Variants in SLC39A8 observed in about 807,000 individuals in gnomAD.
SLC39A8 encodes metal cation symporter ZIP8.
In SLC39A8, 15 loss-of-function variants were observed where a neutral mutation model predicts 40.4. The ratio of observed to expected loss-of-function variants is 0.37; its 90% confidence interval spans 0.25 to 0.57. The LOEUF is 0.57. Among genes scored for constraint, SLC39A8 ranks in the 20% least tolerant of loss-of-function variants. The pLI is 0.75. For synonymous variants in SLC39A8, 223 were observed against 221.6 expected (o/e 1.01, Z -0.06); for missense variants, 472 against 558.8 (o/e 0.84, Z 1.57).
chr4:102,268,211 C>A, intron 6 of SLC39A8, 132 bp from the exon 7 acceptor site: 2 of 839,116 alleles, frequency 2.4e-6, no homozygotes, highest in East Asian at 2.6e-5. Context: ...AACTAGGAAA[C>A]CCTAATAATA....
chr4:102,273,060 A>G (rs1304565163), intron 6 of SLC39A8, among the ~76,000 whole-genome samples: 1 of 152,124 alleles, frequency 6.6e-6, no homozygotes, highest in Admixed American at 6.5e-5. Flanking sequence ...GTTTTTTTCC[A>G]TACCCCAGTG....
intron 11 of SLC39A8, among the ~76,000 whole-genome samples, chr4:102,254,717 T>C (rs145943967): frequency 1.3e-5 from 2 of 152,346 alleles, no homozygotes; most frequent in Admixed American, 6.5e-5. Context: ...CTTGGAGTTA[T>C]CTATGAAGTC....
At chr4:102,343,759 C>T (rs1736036500) in intron 2 of SLC39A8, among the ~76,000 whole-genome samples, 1 of 152,198 alleles carries the variant, frequency 6.6e-6, no homozygotes, top group African/African-American at 2.4e-5. Context: ...CAAGGTATTG[C>T]CAAATGCCTA....
intron 6 of SLC39A8, among the ~76,000 whole-genome samples, chr4:102,284,901 G>C (rs1028966030): frequency 2.0e-5 from 3 of 152,044 alleles, no homozygotes; most frequent in Non-Finnish European, 2.9e-5. Context: ...CCTGGTAATA[G>C]AGGAGGATAC....
chr4:102,319,038 T>C (rs1286091511), intron 2 of SLC39A8, among the ~76,000 whole-genome samples: 1 of 152,200 alleles, frequency 6.6e-6, no homozygotes, highest in Non-Finnish European at 1.5e-5. Flanking sequence ...AAATGGGCCT[T>C]GTATGTGTGA....
At chr4:102,300,347 T>C (rs1733869175) in intron 6 of SLC39A8, among the ~76,000 whole-genome samples, 1 of 152,110 alleles carries the variant, frequency 6.6e-6, no homozygotes, top group African/African-American at 2.4e-5. Flanking sequence ...ACTATGATTT[T>C]TATATGACTA....
chr4:102,269,909 C>G (rs1732269327), intron 6 of SLC39A8: 1 of 152,114 alleles, frequency 6.6e-6, no homozygotes, highest in Admixed American at 6.5e-5. Flanking sequence ...ATAGCTGTAT[C>G]TTAAACGCAC....
At chr4:102,281,154 G>A (rs1036984563) in intron 6 of SLC39A8, among the ~76,000 whole-genome samples, 4 of 152,164 alleles carry the variant, frequency 2.6e-5, no homozygotes, top group South Asian at 2.1e-4. Context: ...GTACCTCCCC[G>A]CCTACACAAC....
At chr4:102,270,078 A>T (rs1206652668) in intron 6 of SLC39A8, among the ~76,000 whole-genome samples, 1 of 152,198 alleles carries the variant, frequency 6.6e-6, no homozygotes, top group East Asian at 1.9e-4. Flanking sequence ...TAATGCCGTG[A>T]TATACTTAAT....
At chr4:102,302,219 C>T (rs1733952661) in intron 6 of SLC39A8, among the ~76,000 whole-genome samples, 1 of 152,012 alleles carries the variant, frequency 6.6e-6, no homozygotes, top group Non-Finnish European at 1.5e-5. Context: ...GAAAATCTTC[C>T]ATCAGAGCAA....
chr4:102,296,896 T>C (rs1733700312), intron 6 of SLC39A8, among the ~76,000 whole-genome samples: 1 of 152,052 alleles, frequency 6.6e-6, no homozygotes, highest in South Asian at 2.1e-4. Flanking sequence ...CAATAGGTAC[T>C]CACTTACGTG....
rs547321981 is a variant in SLC39A8 at position 102,324,224 on chromosome 4, G to A, written c.220-8394C>T. 632 of 346,756 alleles carry A rather than the reference G, an allele frequency of 1.8e-3. 5 individuals carry two copies. Among genetic ancestry groups the A allele is most frequent in the African/African-American group, 0.013 (568 of 45,038 alleles). 21.5% of individuals were successfully genotyped at this position (346,756 alleles called of 1,614,324 possible). On this transcript the variant is annotated intron_variant, in intron 2 of 8. Transcript: ENST00000356736. ...ATCCTGGCCAACATGGTGAAACCCC[G>A]TCTATACTAAAAATATAAAAATTAC...
intron 6 of SLC39A8, among the ~76,000 whole-genome samples, chr4:102,302,438 G>A (rs1733961031): frequency 6.6e-6 from 1 of 151,972 alleles, no homozygotes; most frequent in South Asian, 2.1e-4. Flanking sequence ...GTATAAGGAA[G>A]GGTTTTAACT....
intron 3 of SLC39A8, among the ~76,000 whole-genome samples, chr4:102,313,397 A>G (rs1043440000): frequency 6.6e-6 from 1 of 152,148 alleles, no homozygotes; most frequent in Non-Finnish European, 1.5e-5. Flanking sequence ...AGAATTGGCT[A>G]TCATCATTGT....
Position 102,268,031 on chromosome 4 carries a change from G to A in SLC39A8, c.889C>T (p.Leu297=), listed in dbSNP as rs1732184597. 6.2e-7 allele frequency: 1 copy of A among 1,614,082 alleles called. No homozygotes were observed. The change falls in exon 7 of 9, where the codon CTG becomes TTG. Residue 297 remains leucine, a synonymous_variant. Transcript: ENST00000356736. The part of the protein sequence containing the change: ...SSCTCLKGPK[L]SEIGTIAWMI... ...CAGGCAATCGTCCCTATTTCTGACA[G>A]TTTGGGCCCCTTCAAACAGGTACAT...
intron 2 of SLC39A8, among the ~76,000 whole-genome samples, chr4:102,340,764 G>A (rs987489931): frequency 6.6e-6 from 1 of 152,184 alleles, no homozygotes; most frequent in Non-Finnish European, 1.5e-5. Flanking sequence ...AATATTTCAG[G>A]AATTCAGAAA....
chr4:102,343,552 G>GA (rs1413858166), intron 2 of SLC39A8, among the ~76,000 whole-genome samples: 1 of 152,202 alleles, frequency 6.6e-6, no homozygotes, highest in African/African-American at 2.4e-5. Flanking sequence ...TCAAAGCACT[G>GA]AGTTAACTGA....
intron 2 of SLC39A8, among the ~76,000 whole-genome samples, chr4:102,328,754 G>A (rs1274173726): frequency 1.3e-5 from 2 of 152,094 alleles, no homozygotes; most frequent in Non-Finnish European, 2.9e-5. Flanking sequence ...GGCCGGGCAC[G>A]GTGGCTCACG....
At chr4:102,270,976 G>A (rs1732333060) in intron 6 of SLC39A8, among the ~76,000 whole-genome samples, 3 of 152,032 alleles carry the variant, frequency 2.0e-5, no homozygotes, top group South Asian at 2.1e-4. Flanking sequence ...AGTTGTAGAG[G>A]ATGAGGAGGC....
Sources: gnomAD v4.1 joint callset for allele counts (sites outside exome capture counted in the v4.1 genomes callset) on GRCh38, gnomAD v4.1.1 for gene constraint, MANE v1.5 for transcripts, NCBI Gene and HGNC (gene_info 2026-07-23, HGNC 2026-07-21) for gene names.